The following TBC1D8B variants were observed in gnomAD, a reference collection of about 807,000 sequenced individuals.
TBC1D8B encodes the protein RP11-321G1.1.
In TBC1D8B, 75 loss-of-function variants were observed where a neutral mutation model predicts 82.9. The ratio of observed to expected loss-of-function variants is 0.90; its 90% CI spans 0.75 to 1.10. The LOEUF (loss-of-function observed/expected upper bound fraction) is 1.10, where lower values mean the gene tolerates loss of function less well. Among genes scored for constraint, TBC1D8B ranks in the 50% least tolerant of loss-of-function variants. The probability of loss-of-function intolerance (pLI) is 0.00; values close to 1 mark genes in which losing one functional copy is unlikely to be tolerated. For missense variants in TBC1D8B, 794 were observed against 796.9 expected, an observed-to-expected ratio of 1.00 and a Z score of 0.04; for synonymous variants, 276 against 276.8, an observed-to-expected ratio of 1.00 and a Z score of 0.03.
At position 106,840,800 on chromosome X, in the gene TBC1D8B, C is replaced by T. The variant is rs1932286849; in HGVS notation, c.1635C>T (p.Ala545=). ...GTCGCTCTCTGCCTGAGCACCCAGC[C>T]TTTCAGAGTGATACTGGCATATCTG... is the stretch of plus-strand genomic sequence containing the variant. ...DLRRSLPEHP[A]FQSDTGISAL... Residue 545 remains alanine, a synonymous_variant, in exon 10 of 21, where the codon GCC becomes GCT. Coordinates refer to ENST00000357242, the MANE Select transcript of TBC1D8B (RefSeq NM_017752.3). 8.3e-7 allele frequency: 1 copy of T among 1,209,280 alleles called. No individual in the cohort carries two copies. The highest frequency in any genetic ancestry group is 2.2e-5 in the Admixed American group (1 of 45,654).
Position 106,868,432 on chromosome X carries a change from A to G in TBC1D8B, c.2768A>G (p.Asp923Gly). Residue 923 changes from aspartate (D) to glycine (G), a missense_variant, in exon 18 of 21, where the codon GAT (aspartate) becomes GGT (glycine). Coordinates refer to ENST00000357242, the MANE Select transcript of TBC1D8B (RefSeq NM_017752.3). ...EVKSKDASKG[D>G]ELSKEELLYF... ...AAATCTAAGGATGCTTCAAAAGGAG[A>G]TGAACTTTCCAAGGAAGAATTACTT... is the stretch of plus-strand genomic sequence containing the variant. 1 of 1,004,279 alleles carries G rather than the reference A, an allele frequency of 1.0e-6. No homozygotes were observed. The highest frequency in any genetic ancestry group is 1.3e-6 in the Non-Finnish European group (1 of 782,220). The allele number at this position is 1,004,279 out of a possible 1,213,427, so 82.8% of individuals were successfully genotyped here.
chrX:106,864,382 C>T (rs1042941662), intron 14 of TBC1D8B, among the ~76,000 whole-genome samples: 8 of 110,370 alleles, frequency 7.2e-5, no homozygotes, highest in Admixed American at 9.6e-5. Flanking sequence ...TTGATGGTTC[C>T]CAGTGTGGTT....
chrX:106,803,661 T>C (rs1169159532), intron 1 of TBC1D8B, among the ~76,000 whole-genome samples: 5 of 111,731 alleles, frequency 4.5e-5, no homozygotes, highest in Admixed American at 9.5e-5. Context: ...GAGTGACTGG[T>C]GCTGCCCCTT....
At position 106,840,750 on chromosome X, in the gene TBC1D8B, A is replaced by G; in HGVS notation, c.1585A>G (p.Thr529Ala). ...EQSLGTCNLA[T>A]EEIERDLRRS... is the part of the protein sequence containing the mutation. ...GTCCTTAGGGACCTGCAACTTGGCTACTGAAGAAATTGAACGTGATTTACG... is the reference window on the plus strand; with the variant it reads ...GTCCTTAGGGACCTGCAACTTGGCTGCTGAAGAAATTGAACGTGATTTACG... Residue 529 changes from threonine to alanine, a missense_variant, in exon 10 of 21, where the codon ACT becomes GCT. Physicochemically the swap from Thr to Ala is moderately conservative, Grantham distance 58 (BLOSUM62 0). Coordinates refer to ENST00000357242, the MANE Select transcript of TBC1D8B (RefSeq NM_017752.3). 8.3e-7 allele frequency: 1 copy of G among 1,211,454 alleles called. No individual in the cohort carries two copies. Among genetic ancestry groups the G allele is most frequent in the African/African-American group, 1.7e-5 (1 of 57,816 alleles).
chrX:106,825,766 T>C (rs1289386169), intron 5 of TBC1D8B, among the ~76,000 whole-genome samples: 1 of 111,276 alleles, frequency 9.0e-6, no homozygotes, highest in Non-Finnish European at 1.9e-5. Context: ...CCCTTAGAGA[T>C]AGTTTGAAGA....
chrX:106,873,094 T>G (rs1383863391), intron 20 of TBC1D8B, among the ~76,000 whole-genome samples: 1 of 112,004 alleles, frequency 8.9e-6, no homozygotes, highest in African/African-American at 3.2e-5. Flanking sequence ...TCTTCCATGG[T>G]TCATACTCAT....
chrX:106,854,089 A>G (rs1392845591), intron 13 of TBC1D8B, 109 bp from the exon 14 acceptor site: 1 of 558,688 alleles, frequency 1.8e-6, no homozygotes, highest in African/African-American at 2.5e-5. Context: ...GAAATTCCCT[A>G]GAAATAGAAT....
intron 14 of TBC1D8B, among the ~76,000 whole-genome samples, chrX:106,860,441 CTGGTCCAATCT>C (rs1932763677): frequency 1.9e-5 from 2 of 106,391 alleles, no homozygotes; most frequent in Admixed American, 2.1e-4. Flanking sequence ...CAATTTCTTC[CTGGTCCAATCT>C]TGGCAAGTTG....
intron 7 of TBC1D8B, among the ~76,000 whole-genome samples, chrX:106,837,432 A>G (rs1000739065): frequency 8.9e-6 from 1 of 112,210 alleles, no homozygotes; most frequent in Non-Finnish European, 1.9e-5. Flanking sequence ...GCCAATAAGC[A>G]CATTAAAAGA....
At chrX:106,820,797 A>T in intron 2 of TBC1D8B, 80 bp from the exon 3 acceptor site, 1 of 662,642 alleles carries the variant, frequency 1.5e-6, no homozygotes, top group Non-Finnish European at 2.4e-6. Context: ...ATTTCTTTTT[A>T]AACTATGCTT....
Position 106,822,143 on chromosome X carries a change from G to A in TBC1D8B, c.527G>A (p.Gly176Asp). ...SYWKGRVPCQ[G>D]WLYLSTNFLS... ...TGGAAAGGACGGGTTCCTTGTCAGG[G>A]TTGGCTTTATCTTAGCACCAACTTT... is the stretch of plus-strand genomic sequence containing the variant. The change falls in exon 4 of 21, where the codon GGT (glycine) becomes GAT (aspartate). Residue 176 changes from glycine to aspartate, a missense_variant. Coordinates refer to ENST00000357242, the MANE Select transcript of TBC1D8B (RefSeq NM_017752.3). 1 of 1,209,633 alleles carries A rather than the reference G, an allele frequency of 8.3e-7. No individual in the cohort carries two copies. Among genetic ancestry groups the A allele is most frequent in the East Asian group, 3.0e-5 (1 of 33,775 alleles).
rs184044470 is a variant in TBC1D8B at position 106,822,666 on chromosome X, G to A, written c.586+464G>A. Reference sequence around the variant, plus strand: ...AATTATGTAATTATATAAAGAGATAGATTTAAATATCAAATCAGAATCATT... The same window carrying A: ...AATTATGTAATTATATAAAGAGATAAATTTAAATATCAAATCAGAATCATT... On this transcript the variant is annotated intron_variant, in intron 4 of 20. Coordinates refer to ENST00000357242, the MANE Select transcript of TBC1D8B (RefSeq NM_017752.3). 2.1e-4 allele frequency among the ~76,000 whole-genome samples: 23 copies of A among 110,941 alleles called. No homozygotes were observed. The East Asian group carries it at 6.2e-3, about 30-fold the overall frequency.
At chrX:106,862,189 A>T (rs976095849) in intron 14 of TBC1D8B, among the ~76,000 whole-genome samples, 1 of 111,320 alleles carries the variant, frequency 9.0e-6, no homozygotes, top group Non-Finnish European at 1.9e-5. Flanking sequence ...TTTCATGTTG[A>T]CCTTGGAGAA....
chrX:106,834,262 G>A (rs1425570982), intron 7 of TBC1D8B, among the ~76,000 whole-genome samples: 1 of 111,404 alleles, frequency 9.0e-6, no homozygotes, highest in Non-Finnish European at 1.9e-5. Flanking sequence ...GGTGGCAGGA[G>A]AGAAAATGAG....
intron 8 of TBC1D8B, among the ~76,000 whole-genome samples, chrX:106,839,710 T>C (rs927177077): frequency 5.4e-5 from 6 of 111,881 alleles, no homozygotes; most frequent in Non-Finnish European, 1.1e-4. Flanking sequence ...TTTATTGACA[T>C]TGGGTTTTAT....
chrX:106,807,983 G>A (rs1310173996), intron 1 of TBC1D8B, among the ~76,000 whole-genome samples: 3 of 110,370 alleles, frequency 2.7e-5, no homozygotes, highest in Non-Finnish European at 5.7e-5. Context: ...AACCCAGGAA[G>A]TGGAGGCTGC....
intron 20 of TBC1D8B, 44 bp downstream of exon 20, chrX:106,870,857 G>A (rs1309983401): frequency 6.5e-6 from 6 of 920,000 alleles, no homozygotes; most frequent in Non-Finnish European, 9.2e-6. Context: ...TTGCTTTTTT[G>A]TATGGATGTG....
chrX:106,830,412 T>A (rs1313336858), intron 7 of TBC1D8B, among the ~76,000 whole-genome samples: 8 of 111,087 alleles, frequency 7.2e-5, no homozygotes, highest in African/African-American at 1.3e-4. Context: ...CTAGAACTAG[T>A]CATACCATTT....
chrX:106,829,929 C>A (rs1346970571), intron 7 of TBC1D8B: 1 of 110,905 alleles, frequency 9.0e-6, no homozygotes, highest in Non-Finnish European at 1.9e-5. Flanking sequence ...GCAACAAAAG[C>A]CAAAATTGAC....
Sources: allele counts gnomAD v4.1 joint callset (sites outside exome capture counted in the v4.1 genomes callset), GRCh38; gene constraint gnomAD v4.1.1; transcripts MANE v1.5; gene names NCBI Gene and HGNC (gene_info 2026-07-23, HGNC 2026-07-21).